The following SVIL variants were observed in gnomAD, a reference collection of about 807,000 sequenced individuals.
The protein encoded by SVIL is archvillin.
In SVIL, 101 loss-of-function variants were observed where a neutral mutation model predicts 240.4. The ratio of observed to expected loss-of-function variants is 0.42; its 90% confidence interval spans 0.36 to 0.50. The LOEUF (loss-of-function observed/expected upper bound fraction) is 0.50. Among genes scored for constraint, SVIL ranks in the 20% least tolerant of loss-of-function variants. The pLI is 0.01. For synonymous variants in SVIL, 999 were observed against 1,100.0 expected, an observed-to-expected ratio of 0.91 and a Z score of 1.82; for missense variants, 2,512 against 2,818.7, an observed-to-expected ratio of 0.89 and a Z score of 2.46.
At chr10:29,547,777 A>C (rs1212942962) in intron 6 of SVIL, among the ~76,000 whole-genome samples, 1 of 152,216 alleles carries the variant, frequency 6.6e-6, no homozygotes, top group Admixed American at 6.5e-5. Flanking sequence ...CGTGATAACG[A>C]CTTCAACAGC....
At chr10:29,733,904 A>G (rs1964759479) in intron 1 of SVIL, among the ~76,000 whole-genome samples, 1 of 152,216 alleles carries the variant, frequency 6.6e-6, no homozygotes, top group Non-Finnish European at 1.5e-5. Flanking sequence ...TGTGGATACA[A>G]CCATATCCTT....
At chr10:29,600,047 T>G (rs1956754448) in intron 1 of SVIL, among the ~76,000 whole-genome samples, 1 of 151,768 alleles carries the variant, frequency 6.6e-6, no homozygotes. Context: ...TTTGATTCTT[T>G]TTTTTTCTTA....
chr10:29,696,754 G>C (rs1962061703), intron 1 of SVIL, among the ~76,000 whole-genome samples: 1 of 150,872 alleles, frequency 6.6e-6, no homozygotes, highest in South Asian at 2.1e-4. Context: ...CCCTCCGCCT[G>C]GCTGCCACCC....
At chr10:29,530,250 T>C (rs1951261002) in intron 11 of SVIL, among the ~76,000 whole-genome samples, 1 of 151,942 alleles carries the variant, frequency 6.6e-6, no homozygotes, top group Non-Finnish European at 1.5e-5. Context: ...TTTGTTCTCC[T>C]ACAGGACCTA....
chr10:29,605,871 A>G (rs923320997), intron 1 of SVIL, among the ~76,000 whole-genome samples: 4 of 151,944 alleles, frequency 2.6e-5, no homozygotes, highest in African/African-American at 9.7e-5. Flanking sequence ...ATCCACAGCT[A>G]TGAAGAAATT....
At chr10:29,538,859 T>C (rs1951930242) in intron 6 of SVIL, among the ~76,000 whole-genome samples, 1 of 152,236 alleles carries the variant, frequency 6.6e-6, no homozygotes, top group Non-Finnish European at 1.5e-5. Context: ...AATACAAATG[T>C]ATGTAATAAG....
intron 1 of SVIL, among the ~76,000 whole-genome samples, chr10:29,715,943 A>G (rs1963585658): frequency 6.6e-6 from 1 of 152,228 alleles, no homozygotes; most frequent in African/African-American, 2.4e-5. Context: ...CTTTTAATTA[A>G]TTTCACATGA....
At chr10:29,602,145 C>T (rs1210827088) in intron 1 of SVIL, 3 of 409,096 alleles carry the variant, frequency 7.3e-6, no homozygotes, top group Non-Finnish European at 9.9e-6. Context: ...CTATTGGCAA[C>T]TCTAAACACC....
In SVIL at chr10:29,558,558, C is replaced by T. The variant is rs536405039; in HGVS notation, c.-50-3450G>A. On this transcript the variant is annotated intron_variant, in intron 3 of 37. Coordinates refer to ENST00000355867, the MANE Select transcript of SVIL (RefSeq NM_021738.3). ...CAACAGAGAGACATTTTGAGTTTTG[C>T]CTCTTTTCCCCATGTCTGTACTAAC... 1.8e-4 allele frequency among the ~76,000 whole-genome samples: 27 copies of T among 151,948 alleles called. 1 individual carries two copies. In the South Asian group the frequency reaches 5.4e-3, roughly 30 times the overall value.
At chr10:29,483,300 G>C (rs1345650272) in intron 27 of SVIL, 1 of 152,212 alleles carries the variant, frequency 6.6e-6, no homozygotes, top group East Asian at 1.9e-4. Context: ...CCAGGAGCCA[G>C]GGGTTTCTCT....
chr10:29,627,619 C>T (rs187346333), intron 1 of SVIL, among the ~76,000 whole-genome samples: 3 of 152,156 alleles, frequency 2.0e-5, no homozygotes, highest in Admixed American at 6.5e-5. Flanking sequence ...CTCCACGCCA[C>T]GTGCCCACTG....
chr10:29,616,823 A>C (rs934222618), intron 1 of SVIL, among the ~76,000 whole-genome samples: 8 of 152,142 alleles, frequency 5.3e-5, no homozygotes, highest in Non-Finnish European at 1.5e-5. Context: ...CCCAAGTTCA[A>C]GTAGTTCTCC....
chr10:29,626,056 A>G (rs1957852599), intron 1 of SVIL, among the ~76,000 whole-genome samples: 1 of 152,210 alleles, frequency 6.6e-6, no homozygotes, highest in Non-Finnish European at 1.5e-5. Flanking sequence ...GAGAAATTGG[A>G]AAGACATTGG....
intron 17 of SVIL, among the ~76,000 whole-genome samples, chr10:29,504,155 C>G (rs568610415): frequency 1.3e-5 from 2 of 152,104 alleles, no homozygotes; most frequent in East Asian, 3.9e-4. Flanking sequence ...TAAAAAAAAA[C>G]TAGATACAAA....
intron 32 of SVIL, 46 bp downstream of exon 32, chr10:29,470,230 G>A: frequency 6.3e-7 from 1 of 1,590,612 alleles, no homozygotes; most frequent in Non-Finnish European, 8.6e-7. Flanking sequence ...CCGTCCCTCT[G>A]GGAAGCCCGG....
At chr10:29,659,068 T>A (rs147191325) in intron 2 of SVIL, among the ~76,000 whole-genome samples, 48 of 152,152 alleles carry the variant, frequency 3.2e-4, no homozygotes, top group Middle Eastern at 3.4e-3. Context: ...TGTACCAGAG[T>A]AGAATTAAGG....
At chr10:29,524,128 C>A in intron 14 of SVIL, 101 bp from the exon 15 acceptor site, 1 of 1,209,330 alleles carries the variant, frequency 8.3e-7, no homozygotes, top group Non-Finnish European at 1.1e-6. Context: ...CGATTTGATG[C>A]AGTTTCACTG....
At chr10:29,727,484 G>C (rs1358692719) in intron 1 of SVIL, among the ~76,000 whole-genome samples, 2 of 151,848 alleles carry the variant, frequency 1.3e-5, no homozygotes, top group African/African-American at 4.8e-5. Flanking sequence ...AAACTCCCTG[G>C]GTGCCATGAG....
At chr10:29,555,190 G>A (rs749717362) in intron 3 of SVIL, 82 bp from the exon 4 acceptor site, 3 of 1,314,132 alleles carry the variant, frequency 2.3e-6, no homozygotes, top group African/African-American at 1.5e-5. Flanking sequence ...CGTGTTTATT[G>A]AACTGCAAAT....
Sources: gnomAD v4.1 joint callset for allele counts (sites outside exome capture counted in the v4.1 genomes callset) on GRCh38, gnomAD v4.1.1 for gene constraint, MANE v1.5 for transcripts, NCBI Gene and HGNC (gene_info 2026-07-23, HGNC 2026-07-21) for gene names.